Variants in RMDN3 observed in about 807,000 individuals in gnomAD.
RMDN3 encodes regulator of microtubule dynamics 3.
RMDN3 carries 41 observed loss-of-function variants against 61.8 expected under a neutral mutation model. The ratio of observed to expected loss-of-function variants is 0.66; its 90% CI spans 0.52 to 0.86. The LOEUF (loss-of-function observed/expected upper bound fraction) is 0.86, where lower values mean the gene tolerates loss of function less well. Among genes scored for constraint, RMDN3 ranks in the 40% least tolerant of loss-of-function variants. The probability of loss-of-function intolerance (pLI) is 0.00; values close to 1 mark genes in which losing one functional copy is unlikely to be tolerated. For synonymous variants in RMDN3, 247 were observed against 232.0 expected (o/e 1.06, Z -0.59); for missense variants, 557 against 585.3 (o/e 0.95, Z 0.50).
chr15:40,744,132 G>C lies in RMDN3; in HGVS notation c.825C>G (p.Asp275Glu). 6.2e-7 allele frequency: 1 copy of C among 1,613,496 alleles called. No individual in the cohort carries two copies. Among genetic ancestry groups the C allele is most frequent in the Non-Finnish European group, 8.5e-7 (1 of 1,180,028 alleles). ...AGGCTCGGGCCAGGCGCCAGAGAAAGTCCTGCCGGCTTCCATACTGCAGAC... is the reference window on the plus strand; with the variant it reads ...AGGCTCGGGCCAGGCGCCAGAGAAACTCCTGCCGGCTTCCATACTGCAGAC... ...NNKLVYGSRQ[D>E]FLWRLARAYS... The change falls in exon 6 of 13, where the codon GAC becomes GAG. Residue 275 changes from aspartate (D) to glutamate (E), a missense_variant. By Grantham distance (45) the Asp-to-Glu change is conservative. Transcript: ENST00000338376.
chr15:40,748,593 G>A (rs1440133257), intron 4 of RMDN3, among the ~76,000 whole-genome samples: 1 of 152,216 alleles, frequency 6.6e-6, no homozygotes, highest in Non-Finnish European at 1.5e-5. Context: ...ACTGACCCCA[G>A]AAGTTTGTAC....
At chr15:40,750,211 T>C in intron 4 of RMDN3, among the ~76,000 whole-genome samples, 1 of 19,690 alleles carries the variant, frequency 5.1e-5, no homozygotes, top group African/African-American at 2.5e-4. Flanking sequence ...GCCCAGCTCG[T>C]TTTTTTTTTT....
chr15:40,746,265 C>T (rs952988620), intron 4 of RMDN3, among the ~76,000 whole-genome samples: 1 of 152,160 alleles, frequency 6.6e-6, no homozygotes, highest in African/African-American at 2.4e-5. Context: ...CCTGTAATCC[C>T]AGCACTTTGG....
chr15:40,748,268 A>G (rs924698173), intron 4 of RMDN3, among the ~76,000 whole-genome samples: 1 of 152,138 alleles, frequency 6.6e-6, no homozygotes, highest in Non-Finnish European at 1.5e-5. Context: ...GCCATTTCAG[A>G]GTTTGTAGAC....
At chr15:40,752,495 A>C (rs937758371) in intron 2 of RMDN3, among the ~76,000 whole-genome samples, 4 of 118,362 alleles carry the variant, frequency 3.4e-5, no homozygotes, top group African/African-American at 1.1e-4. Context: ...AGTTAAAAAA[A>C]AACAAAAACC....
chr15:40,737,666 TGA>T lies in RMDN3; in HGVS notation c.1184_1185del (p.Leu395GlnfsTer15), dbSNP rs1897112003. On this transcript the variant is annotated frameshift_variant, in exon 10 of 13. Transcript: ENST00000338376. LOFTEE classifies it high-confidence loss of function. ...KTATALLESP[L>X]SATVEDALQS... is the part of the protein sequence containing the mutation. ...TGGAGGGCATCTTCCACAGTGGCAC[TGA>T]GAGGGCTTTCAAGCAAGGCTGTAGC... 1 of 1,614,142 alleles carries T rather than the reference TGA, an allele frequency of 6.2e-7. No homozygotes were observed. Among genetic ancestry groups the T allele is most frequent in the Non-Finnish European group, 8.5e-7 (1 of 1,180,016 alleles).
Position 40,745,229 on chromosome 15 carries a change from A to G in RMDN3, c.555T>C (p.Asn185=), listed in dbSNP as rs779057197. Residue 185 remains asparagine (N), a synonymous_variant, in exon 5 of 13, where the codon AAT becomes AAC. Transcript: ENST00000338376. ...CACTTTCTTTGTCAGAGTCCCGCTC[A>G]TTGTCAGACTCCGCATTGGCTGTTG... The part of the protein sequence containing the change: ...GYTTANAESD[N]ERDSDKESED... 2 of 1,613,950 alleles carry G rather than the reference A, an allele frequency of 1.2e-6. No homozygotes were observed.
At chr15:40,746,286 C>T (rs906183699) in intron 4 of RMDN3, among the ~76,000 whole-genome samples, 14 of 152,036 alleles carry the variant, frequency 9.2e-5, no homozygotes, top group Non-Finnish European at 1.8e-4. Context: ...GAGGCCGAGG[C>T]GGGCGGATCA....
Position 40,751,471 on chromosome 15 carries a change from G to C in RMDN3, c.479C>G (p.Thr160Arg). The part of the protein sequence containing the change: ...DSTGSSSVYF[T>R]ASSGATFTDA... ...TGTGAACGTGGCTCCCGAGGAGGCC[G>C]TGAAGTAGACAGAGCTGGAGCCAGT... Residue 160 changes from threonine (T) to arginine (R), a missense_variant, in exon 4 of 13, where the codon ACG becomes AGG. By Grantham distance (71) the Thr-to-Arg change is moderately conservative (BLOSUM62 -1). Coordinates refer to ENST00000338376, the MANE Select transcript of RMDN3 (RefSeq NM_018145.3). 6.2e-7 allele frequency: 1 copy of C among 1,614,190 alleles called. No individual in the cohort carries two copies.
In RMDN3 at chr15:40,737,215, A is replaced by T. The variant is rs765915528; in HGVS notation, c.1279-11T>A. Reference sequence around the variant, plus strand: ...TAGTTCTCTGTAGCACTGAAAAGAGACAACAGTGAAACCTGATACTGTGTA... The same window carrying T: ...TAGTTCTCTGTAGCACTGAAAAGAGTCAACAGTGAAACCTGATACTGTGTA... On this transcript the variant is annotated splice_polypyrimidine_tract_variant and intron_variant, in intron 11 of 12. Transcript: ENST00000338376. The T allele has an allele frequency of 2.5e-6, 4 of 1,613,758 alleles. No individual in the cohort carries two copies. The highest frequency in any genetic ancestry group is 3.4e-6 in the Non-Finnish European group (4 of 1,179,618).
In RMDN3 at chr15:40,744,127, AG is replaced by A. The variant is rs767471384; in HGVS notation, c.829del (p.Leu277SerfsTer18). On this transcript the variant is annotated frameshift_variant, in exon 6 of 13. Transcript: ENST00000338376. LOFTEE classifies it high-confidence loss of function. The part of the protein sequence containing the change: ...KLVYGSRQDF[L>X]WRLARAYSDM... ...ACTGTAGGCTCGGGCCAGGCGCCAGAGAAAGTCCTGCCGGCTTCCATACTGC... is the reference window on the plus strand; with the variant it reads ...ACTGTAGGCTCGGGCCAGGCGCCAGAAAAGTCCTGCCGGCTTCCATACTGC... 3 of 1,613,596 alleles carry A rather than the reference AG, an allele frequency of 1.9e-6. No individual in the cohort carries two copies. The highest frequency in any genetic ancestry group is 1.7e-6 in the Non-Finnish European group (2 of 1,180,026).
At chr15:40,746,235 G>C (rs1897542477) in intron 4 of RMDN3, among the ~76,000 whole-genome samples, 1 of 152,310 alleles carries the variant, frequency 6.6e-6, no homozygotes, top group South Asian at 2.1e-4. Flanking sequence ...CAAACACAAG[G>C]CTGGGGGCGG....
intron 4 of RMDN3, among the ~76,000 whole-genome samples, chr15:40,749,422 C>CAGG (rs1170333226): frequency 1.3e-5 from 2 of 152,222 alleles, no homozygotes; most frequent in African/African-American, 4.8e-5. Context: ...AAGGCTGAGG[C>CAGG]AGGAGCACCA....
At chr15:40,745,900 A>C (rs1282031375) in intron 4 of RMDN3, among the ~76,000 whole-genome samples, 2 of 152,238 alleles carry the variant, frequency 1.3e-5, no homozygotes, top group East Asian at 1.9e-4. Flanking sequence ...CTCTGGCCCA[A>C]GTCAACAACC....
intron 6 of RMDN3, among the ~76,000 whole-genome samples, chr15:40,743,818 A>G (rs1897376067): frequency 6.6e-6 from 1 of 152,246 alleles, no homozygotes; most frequent in Admixed American, 6.5e-5. Context: ...ACTCCTAGAA[A>G]CACATGCACG....
In RMDN3 at chr15:40,754,714, G is replaced by C. The variant is rs767980419; in HGVS notation, c.70C>G (p.Leu24Val). The part of the protein sequence containing the change: ...LGLLLGTAAG[L>V]GFLCLLYSQR... ...CTGTAAAGGAGGCACAGGAATCCAA[G>C]GCCGGCGGCGGTACCCAGCAACAGT... The change falls in exon 2 of 13, where the codon CTT (leucine) becomes GTT (valine). Residue 24 changes from leucine (L) to valine (V), a missense_variant. Leu to Val is a conservative substitution (Grantham distance 32, BLOSUM62 1). Coordinates refer to ENST00000338376, the MANE Select transcript of RMDN3 (RefSeq NM_018145.3). 1.9e-6 allele frequency: 3 copies of C among 1,613,750 alleles called. No homozygotes were observed. Among genetic ancestry groups the C allele is most frequent in the East Asian group, 2.2e-5 (1 of 44,870 alleles).
chr15:40,751,636 T>G (rs778373961), intron 3 of RMDN3, 67 bp from the exon 4 acceptor site: 1 of 1,604,176 alleles, frequency 6.2e-7, no homozygotes, highest in Non-Finnish European at 8.5e-7. Flanking sequence ...CTGCTCACCA[T>G]GGGGTGCCTC....
intron 6 of RMDN3, among the ~76,000 whole-genome samples, chr15:40,741,619 G>GTTTTTTTTTTTTTTTTTT (rs1333820266): frequency 4.9e-5 from 3 of 61,006 alleles, no homozygotes; most frequent in African/African-American, 5.4e-5. Flanking sequence ...TGCAACATAG[G>GTTTTTTTTTTTTTTTTTT]ATTTTTTTTT....
In RMDN3 at chr15:40,736,432, G is replaced by GAGACAGATTTGTGTGGTTTCCTGATCTC; in HGVS notation, c.*81_*108dup. ...GGTAGTGGGTAGCAGTCAGACCCAG[G>GAGACAGATTTGTGTGGTTTCCTGATCTC]AGACAGATTTGTGTGGTTTCCTGAT... is the stretch of plus-strand genomic sequence containing the variant. On this transcript the variant is annotated 3_prime_UTR_variant, in exon 13 of 13. Coordinates refer to ENST00000338376, the MANE Select transcript of RMDN3 (RefSeq NM_018145.3). 1 of 940,790 alleles carries GAGACAGATTTGTGTGGTTTCCTGATCTC rather than the reference G, an allele frequency of 1.1e-6. No individual in the cohort carries two copies. Among genetic ancestry groups the GAGACAGATTTGTGTGGTTTCCTGATCTC allele is most frequent in the Non-Finnish European group, 1.7e-6 (1 of 587,802 alleles). 58.3% of individuals were successfully genotyped at this position (940,790 alleles called of 1,614,324 possible).
Sources: allele counts gnomAD v4.1 joint callset (sites outside exome capture counted in the v4.1 genomes callset), GRCh38; gene constraint gnomAD v4.1.1; transcripts MANE v1.5; gene names NCBI Gene and HGNC (gene_info 2026-07-23, HGNC 2026-07-21).